NRXN1: variants seen among roughly 807,000 people sequenced by gnomAD.
NRXN1 encodes neurexin 1.
NRXN1 carries 39 observed loss-of-function variants against 150.9 expected under a neutral mutation model. That is an observed-to-expected ratio of 0.26 (90% CI 0.20 to 0.34). NRXN1 has a LOEUF of 0.34. NRXN1 is among the 10% of genes least tolerant of loss of function. The pLI, the probability that NRXN1 is intolerant of heterozygous loss-of-function variation, is 1.00. For missense variants in NRXN1, 1,815 were observed against 1,949.9 expected (o/e 0.93, Z 1.30); for synonymous variants, 924 against 757.0 (o/e 1.22, Z -3.62).
chr2:50,948,406 G>T (rs549859685), intron 2 of NRXN1, among the ~76,000 whole-genome samples: 1 of 151,966 alleles, frequency 6.6e-6, no homozygotes, highest in Admixed American at 6.6e-5. Context: ...AAAATAGCCA[G>T]ATAACAAAAG....
At chr2:50,373,456 T>C (rs1247530508) in intron 17 of NRXN1, among the ~76,000 whole-genome samples, 1 of 149,644 alleles carries the variant, frequency 6.7e-6, no homozygotes, top group African/African-American at 2.5e-5. Context: ...CTAGCTCCCA[T>C]ACTCTCACTT....
chr2:50,920,178 G>GA (rs1434083517), intron 5 of NRXN1, among the ~76,000 whole-genome samples: 3 of 151,562 alleles, frequency 2.0e-5, no homozygotes, highest in African/African-American at 4.8e-5. Context: ...AGAATGCAAT[G>GA]AAAAAAACAA....
chr2:50,631,057 G>A (rs1198953825), intron 5 of NRXN1: 2 of 442,072 alleles, frequency 4.5e-6, no homozygotes, highest in South Asian at 3.6e-5. Flanking sequence ...GTGTAACTGA[G>A]AAATTAAAAC....
At chr2:50,320,935 C>A (rs565956864) in intron 17 of NRXN1, among the ~76,000 whole-genome samples, 2 of 152,226 alleles carry the variant, frequency 1.3e-5, no homozygotes, top group South Asian at 4.1e-4. Context: ...TTCTGTCATG[C>A]CAAATTACTG....
intron 5 of NRXN1, among the ~76,000 whole-genome samples, chr2:50,866,330 G>C (rs1676937005): frequency 6.6e-6 from 1 of 151,878 alleles, no homozygotes; most frequent in Non-Finnish European, 1.5e-5. Flanking sequence ...AAATAAACCT[G>C]AATAAATTAT....
At chr2:49,995,861 TAAA>T (rs60974625) in intron 21 of NRXN1, among the ~76,000 whole-genome samples, 46 of 66,150 alleles carry the variant, frequency 7.0e-4, no homozygotes, top group African/African-American at 1.8e-3. Context: ...TGCTGGATAG[TAAA>T]AAAAAAAAAA....
At chr2:50,176,986 A>G in intron 18 of NRXN1, among the ~76,000 whole-genome samples, 1 of 152,210 alleles carries the variant, frequency 6.6e-6, no homozygotes, top group East Asian at 1.9e-4. Flanking sequence ...AAACAGTGGG[A>G]AAAAAGAGAA....
At chr2:50,799,712 T>C (rs1194484992) in intron 5 of NRXN1, among the ~76,000 whole-genome samples, 1 of 152,192 alleles carries the variant, frequency 6.6e-6, no homozygotes, top group Non-Finnish European at 1.5e-5. Flanking sequence ...CTAATGTGCG[T>C]GCTCTGATCA....
intron 12 of NRXN1, among the ~76,000 whole-genome samples, chr2:50,512,149 C>T (rs559165509): frequency 2.0e-5 from 3 of 152,166 alleles, no homozygotes; most frequent in South Asian, 2.1e-4. Flanking sequence ...AACTACCTCG[C>T]GGCTACATGA....
intron 8 of NRXN1, among the ~76,000 whole-genome samples, chr2:50,578,982 C>T (rs910387049): frequency 1.3e-5 from 2 of 152,158 alleles, no homozygotes; most frequent in African/African-American, 2.4e-5. Flanking sequence ...TCACTTCTTA[C>T]CTGCAGCACA....
At chr2:51,026,320 T>C in intron 2 of NRXN1, 1 of 1,196,946 alleles carries the variant, frequency 8.4e-7, no homozygotes, top group Non-Finnish European at 1.2e-6. Context: ...CTTTAAATCC[T>C]GACATCTCCT....
intron 5 of NRXN1, among the ~76,000 whole-genome samples, chr2:50,769,843 C>G (rs564518591): frequency 6.6e-6 from 1 of 151,984 alleles, no homozygotes; most frequent in Admixed American, 6.6e-5. Flanking sequence ...ACAGCCTAGA[C>G]AAAATAAAGA....
At chr2:50,928,604 T>C (rs1355094318) in intron 2 of NRXN1, among the ~76,000 whole-genome samples, 2 of 152,018 alleles carry the variant, frequency 1.3e-5, no homozygotes, top group Non-Finnish European at 1.5e-5. Flanking sequence ...TATCTCCTCA[T>C]AACAATTTTT....
At chr2:50,783,668 T>C (rs1253702519) in intron 5 of NRXN1, among the ~76,000 whole-genome samples, 1 of 152,126 alleles carries the variant, frequency 6.6e-6, no homozygotes, top group Non-Finnish European at 1.5e-5. Flanking sequence ...AACATTTTTC[T>C]CTCTAGTACT....
rs140330605 is a variant in NRXN1, at chr2:50,801,511, T to C, written c.832+120358A>G. Among the ~76,000 whole-genome samples the C allele has an allele frequency of 3.8e-3, 584 of 152,262 alleles. 1 individual carries two copies. Among genetic ancestry groups the C allele is most frequent in the African/African-American group, 0.014 (567 of 41,544 alleles). On this transcript the variant is annotated intron_variant, in intron 5 of 22. Transcript: ENST00000401669. ...TATAATAAGGTCTAAATGGCAGGAC[T>C]AAATGCGAGGACTAAAGCATTCTAT...
intron 18 of NRXN1, among the ~76,000 whole-genome samples, chr2:50,236,230 A>C (rs2065403167): frequency 6.6e-6 from 1 of 152,098 alleles, no homozygotes. Flanking sequence ...ATTATGAATT[A>C]AAATGTATTT....
intron 17 of NRXN1, among the ~76,000 whole-genome samples, chr2:50,364,576 G>A (rs1202170662): frequency 1.3e-5 from 2 of 151,548 alleles, no homozygotes; most frequent in African/African-American, 4.9e-5. Context: ...CTTCTCTCCT[G>A]TATAATCACA....
chr2:50,848,493 T>G (rs575040690), intron 5 of NRXN1, among the ~76,000 whole-genome samples: 1 of 152,252 alleles, frequency 6.6e-6, no homozygotes, highest in East Asian at 1.9e-4. Context: ...GGCAATTGGT[T>G]GCTTTGCTAT....
At chr2:50,269,972 A>G (rs1022369084) in intron 17 of NRXN1, among the ~76,000 whole-genome samples, 2 of 152,060 alleles carry the variant, frequency 1.3e-5, no homozygotes, top group Non-Finnish European at 2.9e-5. Flanking sequence ...TGTTAAAACA[A>G]AATTAAATTA....
Sources: allele counts gnomAD v4.1 joint callset (sites outside exome capture counted in the v4.1 genomes callset), GRCh38; gene constraint gnomAD v4.1.1; transcripts MANE v1.5; gene names NCBI Gene and HGNC (gene_info 2026-07-23, HGNC 2026-07-21).